Variants in USP34 observed in about 807,000 individuals in gnomAD.
USP34 encodes the protein ubiquitin specific peptidase 34.
In USP34, 70 loss-of-function variants were observed where a neutral mutation model predicts 460.3. The observed-to-expected ratio is 0.15, with a 90% CI of 0.13 to 0.19. USP34 has a LOEUF of 0.19. Ranked by LOEUF, USP34 falls within the 10% of genes least tolerant of loss-of-function variation. The probability of loss-of-function intolerance (pLI) is 1.00; values close to 1 mark genes in which losing one functional copy is unlikely to be tolerated. For missense variants in USP34, 3,985 were observed against 4,236.2 expected (o/e 0.94, Z 1.65); for synonymous variants, 1,647 against 1,405.3 (o/e 1.17, Z -3.85).
chr2:61,193,365 T>TAAAAAAAAAAAAAAAAAAAAAAAA (rs577314106), intron 75 of USP34: 1 of 97,242 alleles, frequency 1.0e-5, no homozygotes, highest in African/African-American at 3.7e-5. Context: ...AGGGGAAAGG[T>TAAAAAAAAAAAAAAAAAAAAAAAA]AAAAAAAAAA....
At chr2:61,437,721 C>T (rs1205234893) in intron 1 of USP34, among the ~76,000 whole-genome samples, 1 of 151,374 alleles carries the variant, frequency 6.6e-6, no homozygotes, top group East Asian at 1.9e-4. Flanking sequence ...TGCAGTGAGC[C>T]CAGATTGTAC....
At chr2:61,297,007 G>C (rs1264710393) in intron 29 of USP34, 82 bp from the exon 30 acceptor site, 4 of 1,457,016 alleles carry the variant, frequency 2.7e-6, no homozygotes, top group Non-Finnish European at 3.6e-6. Flanking sequence ...ATAAAGTAAT[G>C]ATCAAATTTG....
At chr2:61,309,268 G>A (rs2103665884) in intron 27 of USP34, among the ~76,000 whole-genome samples, 1 of 152,200 alleles carries the variant, frequency 6.6e-6, no homozygotes, top group East Asian at 1.9e-4. Context: ...TCCTCTGTCA[G>A]TTTTCTCACA....
chr2:61,272,530 A>G (rs1360020108), intron 41 of USP34, among the ~76,000 whole-genome samples: 2 of 152,052 alleles, frequency 1.3e-5, no homozygotes, highest in Non-Finnish European at 2.9e-5. Context: ...ACGTCAAAGC[A>G]CTTTTCACCA....
intron 3 of USP34, 121 bp downstream of exon 3, chr2:61,405,587 A>G: frequency 1.0e-6 from 1 of 992,804 alleles, no homozygotes; most frequent in Non-Finnish European, 1.4e-6. Flanking sequence ...ACATTAAATA[A>G]TTCTGGTGAC....
chr2:61,219,547 TG>T (rs1464330148), intron 67 of USP34, among the ~76,000 whole-genome samples: 1 of 152,022 alleles, frequency 6.6e-6, no homozygotes, highest in Non-Finnish European at 1.5e-5. Context: ...GGCGTGCACC[TG>T]TTATCTGAGC....
chr2:61,269,345 T>TTA (rs1689146708), intron 41 of USP34, among the ~76,000 whole-genome samples: 3 of 132,532 alleles, frequency 2.3e-5, no homozygotes, highest in Admixed American at 1.5e-4. Flanking sequence ...TTTTTTTTTT[T>TTA]AATAGAGACA....
intron 27 of USP34, among the ~76,000 whole-genome samples, chr2:61,309,242 A>C (rs1217477848): frequency 6.6e-6 from 1 of 152,206 alleles, no homozygotes; most frequent in African/African-American, 2.4e-5. Context: ...TTAATGATGC[A>C]AGGAATAAAA....
intron 48 of USP34, among the ~76,000 whole-genome samples, chr2:61,253,879 C>T (rs1046117980): frequency 2.0e-5 from 3 of 151,930 alleles, no homozygotes; most frequent in Non-Finnish European, 2.9e-5. Flanking sequence ...GGACTACAGG[C>T]GTGAGCCACC....
chr2:61,261,021 G>A (rs1043161286), intron 43 of USP34, among the ~76,000 whole-genome samples: 1 of 152,126 alleles, frequency 6.6e-6, no homozygotes, highest in Non-Finnish European at 1.5e-5. Context: ...AACAGAAAAT[G>A]TCAAGTGTTA....
chr2:61,330,125 T>A (rs1265793223), intron 20 of USP34, among the ~76,000 whole-genome samples: 2 of 152,202 alleles, frequency 1.3e-5, no homozygotes, highest in Non-Finnish European at 2.9e-5. Flanking sequence ...ACAAATTCTA[T>A]AACAGAAACA....
intron 19 of USP34, among the ~76,000 whole-genome samples, chr2:61,332,433 A>T (rs905389047): frequency 1.3e-5 from 2 of 152,026 alleles, no homozygotes; most frequent in African/African-American, 4.8e-5. Flanking sequence ...GCTTATTTAC[A>T]TTTAATTTAA....
In USP34 at chr2:61,347,890, G is replaced by T; in HGVS notation, c.2265C>A (p.His755Gln). 1.9e-6 allele frequency: 3 copies of T among 1,600,494 alleles called. No individual in the cohort carries two copies. Among genetic ancestry groups the T allele is most frequent in the Non-Finnish European group, 2.6e-6 (3 of 1,171,978 alleles). The change falls in exon 15 of 80, where the codon CAC (histidine) becomes CAA (glutamine). Residue 755 changes from histidine to glutamine, a missense_variant. Around this residue, in one of 14 missense-constraint regions of USP34, gnomAD observed 716 missense variants for 626.2 expected, o/e 1.14. Transcript: ENST00000398571. ...IGPQHHHHHH[H>Q]HHHHHDGHMV... ...CTTACCCATCGTGGTGGTGGTGATG[G>T]TGGTGGTGGTGGTGGTGATGCTGTG...
chr2:61,242,012 AG>A (rs1370509216), intron 51 of USP34, among the ~76,000 whole-genome samples, 193 bp from the exon 52 acceptor site: 1 of 151,832 alleles, frequency 6.6e-6, no homozygotes, highest in Non-Finnish European at 1.5e-5. Context: ...TCTTTTTTTT[AG>A]TTTTTATTAT....
At chr2:61,213,460 C>G (rs1474227209) in intron 68 of USP34, among the ~76,000 whole-genome samples, 1 of 152,004 alleles carries the variant, frequency 6.6e-6, no homozygotes, top group Non-Finnish European at 1.5e-5. Flanking sequence ...TAAGAGGCAA[C>G]AGTGAAAAGT....
intron 43 of USP34, among the ~76,000 whole-genome samples, chr2:61,264,655 T>A (rs1688992520): frequency 1.3e-5 from 2 of 151,440 alleles, no homozygotes; most frequent in Non-Finnish European, 2.9e-5. Context: ...AAAATAAAAA[T>A]AAAAAATCCA....
intron 10 of USP34, among the ~76,000 whole-genome samples, chr2:61,353,650 T>A (rs1309334747): frequency 6.6e-6 from 1 of 151,846 alleles, no homozygotes; most frequent in Non-Finnish European, 1.5e-5. Context: ...AGGCTGGTCT[T>A]AAACTTCTGA....
At chr2:61,262,116 A>AAAAT (rs1553359480) in intron 43 of USP34, among the ~76,000 whole-genome samples, 5 of 47,402 alleles carry the variant, frequency 1.1e-4, no homozygotes, top group Non-Finnish European at 2.0e-4. Flanking sequence ...AAAAAAAAAA[A>AAAAT]ATATATATAT....
At chr2:61,250,239 T>C (rs554096147) in intron 48 of USP34, 1 of 175,162 alleles carries the variant, frequency 5.7e-6, no homozygotes, top group Admixed American at 6.4e-5. Context: ...CAGCTCTCAG[T>C]CTGAGGAAGG....
Sources: allele counts gnomAD v4.1 joint callset (sites outside exome capture counted in the v4.1 genomes callset), GRCh38; gene constraint gnomAD v4.1.1; regional missense constraint gnomAD v4.1.1; transcripts MANE v1.5; gene names NCBI Gene and HGNC (gene_info 2026-07-23, HGNC 2026-07-21).